The following TRIM5 variants were observed in gnomAD, a reference collection of about 807,000 sequenced individuals.
TRIM5 encodes tripartite motif-containing protein 5.
In TRIM5, 31 loss-of-function variants were observed where a neutral mutation model predicts 35.6. That is an observed-to-expected ratio of 0.87 (90% confidence interval 0.65 to 1.18). The LOEUF is 1.18. Ranked by LOEUF, TRIM5 falls within the 50% of genes most tolerant of loss-of-function variation. The pLI is 0.00. For missense variants in TRIM5, 609 were observed against 591.6 expected (o/e 1.03, Z -0.31); for synonymous variants, 243 against 215.6 (o/e 1.13, Z -1.11).
the TRIM5 span, among the ~76,000 whole-genome samples, chr11:5,593,458 A>G: frequency 1.3e-5 from 2 of 152,198 alleles, no homozygotes; most frequent in Non-Finnish European, 2.9e-5. Flanking sequence ...TGAATATATT[A>G]GAGATTTCCT....
chr11:5,630,289 C>A, the TRIM5 span, among the ~76,000 whole-genome samples: 2 of 152,154 alleles, frequency 1.3e-5, no homozygotes, highest in Non-Finnish European at 2.9e-5. Flanking sequence ...CTAATGATAA[C>A]CTTTTTTTCC....
chr11:5,675,369 C>T (rs1306709218), intron 4 of TRIM5, among the ~76,000 whole-genome samples: 1 of 152,130 alleles, frequency 6.6e-6, no homozygotes, highest in Non-Finnish European at 1.5e-5. Context: ...AGGAATACAG[C>T]ATGAGAAACA....
downstream of TRIM5, chr11:5,663,190 T>G: frequency 3.3e-6 from 3 of 912,758 alleles, no homozygotes; most frequent in Non-Finnish European, 3.9e-6. Flanking sequence ...GATTACCCCT[T>G]ACATGCTAGA....
chr11:5,657,630 T>C, the TRIM5 span, among the ~76,000 whole-genome samples: 3 of 102,902 alleles, frequency 2.9e-5, no homozygotes, highest in Non-Finnish European at 3.7e-5. Context: ...TATAATGCAT[T>C]ATATATATTA....
At chr11:5,614,293 T>C in the TRIM5 span, among the ~76,000 whole-genome samples, 4 of 152,234 alleles carry the variant, frequency 2.6e-5, no homozygotes, top group Non-Finnish European at 4.4e-5. Flanking sequence ...CCAAGCTTGC[T>C]TTCATCTTGT....
At chr11:5,671,815 G>A (rs1021286659) in intron 4 of TRIM5, among the ~76,000 whole-genome samples, 1 of 51,430 alleles carries the variant, frequency 1.9e-5, no homozygotes, top group Non-Finnish European at 5.4e-5. Context: ...AAAATAATTG[G>A]GGAAAAATTG....
chr11:5,627,148 C>T, the TRIM5 span, among the ~76,000 whole-genome samples: 19 of 151,954 alleles, frequency 1.3e-4, no homozygotes, highest in African/African-American at 3.1e-4. Flanking sequence ...GAGGCCAAGG[C>T]GGGTGGATCA....
chr11:5,600,365 G>A, the TRIM5 span, among the ~76,000 whole-genome samples: 1 of 152,184 alleles, frequency 6.6e-6, no homozygotes, highest in African/African-American at 2.4e-5. Context: ...TGGGCTTTCT[G>A]TAGATATTTG....
chr11:5,650,317 T>C, the TRIM5 span, among the ~76,000 whole-genome samples: 2 of 152,224 alleles, frequency 1.3e-5, no homozygotes, highest in South Asian at 4.1e-4. Flanking sequence ...CGTCTGGCTA[T>C]TTCTCTTTCT....
the TRIM5 span, among the ~76,000 whole-genome samples, chr11:5,614,101 C>T: frequency 6.6e-6 from 1 of 152,140 alleles, no homozygotes; most frequent in Non-Finnish European, 1.5e-5. Context: ...GTTATGGGGG[C>T]TTGACAGAGG....
the TRIM5 span, among the ~76,000 whole-genome samples, chr11:5,639,299 C>G: frequency 6.6e-6 from 1 of 152,018 alleles, no homozygotes; most frequent in East Asian, 1.9e-4. Flanking sequence ...ACCTGACCTG[C>G]CACAGTATTA....
the TRIM5 span, among the ~76,000 whole-genome samples, chr11:5,601,716 C>G: frequency 6.6e-6 from 1 of 152,124 alleles, no homozygotes; most frequent in Non-Finnish European, 1.5e-5. Context: ...CGAGATAGTG[C>G]CACTGCCCTC....
chr11:5,599,816 C>G, the TRIM5 span, among the ~76,000 whole-genome samples: 1 of 152,168 alleles, frequency 6.6e-6, no homozygotes, highest in Non-Finnish European at 1.5e-5. Context: ...AATTTTCAAT[C>G]CATTATAAAG....
chr11:5,655,807 C>T, the TRIM5 span: 10 of 469,968 alleles, frequency 2.1e-5, no homozygotes, highest in Admixed American at 6.4e-4. Context: ...GAGCAAACTT[C>T]CATTGGTCTA....
chr11:5,639,536 C>T, the TRIM5 span, among the ~76,000 whole-genome samples: 2 of 151,624 alleles, frequency 1.3e-5, no homozygotes, highest in Non-Finnish European at 2.9e-5. Context: ...AAAAATTAGC[C>T]GGGCATGGTG....
intron 6 of TRIM5, 105 bp downstream of exon 6, chr11:5,665,875 TC>T: frequency 7.8e-7 from 1 of 1,286,148 alleles, no homozygotes; most frequent in Non-Finnish European, 1.1e-6. Flanking sequence ...ATATCTATCC[TC>T]CCCTATCCCC....
the TRIM5 span, chr11:5,610,509 A>G: frequency 2.5e-6 from 4 of 1,614,014 alleles, no homozygotes; most frequent in East Asian, 2.2e-5. Context: ...CCTATTCAAC[A>G]TTATTGACTC....
At chr11:5,589,130 T>C in the TRIM5 span, 2 of 152,030 alleles carry the variant, frequency 1.3e-5, no homozygotes, top group Admixed American at 1.3e-4. Context: ...AGTTTTTCTT[T>C]TCCTCAAAAA....
At chr11:5,636,018 G>T in the TRIM5 span, among the ~76,000 whole-genome samples, 1 of 152,164 alleles carries the variant, frequency 6.6e-6, no homozygotes, top group Non-Finnish European at 1.5e-5. Flanking sequence ...ATGTGGCCTA[G>T]CCATTCCATT....
Sources: gnomAD v4.1 joint callset for allele counts (sites outside exome capture counted in the v4.1 genomes callset) on GRCh38, gnomAD v4.1.1 for gene constraint, MANE v1.5 for transcripts, NCBI Gene and HGNC (gene_info 2026-07-23, HGNC 2026-07-21) for gene names.